The following SLC39A11 variants were observed in gnomAD, a reference collection of about 807,000 sequenced individuals.
SLC39A11 encodes zinc transporter ZIP11.
In SLC39A11, 33 loss-of-function variants were observed where a neutral mutation model predicts 36.1. That is an observed-to-expected ratio of 0.91 (90% confidence interval 0.69 to 1.22). The LOEUF is 1.22. Ranked by LOEUF, SLC39A11 falls within the 50% of genes most tolerant of loss-of-function variation. The pLI is 0.00. For missense variants in SLC39A11, 432 were observed against 430.3 expected (o/e 1.00, Z -0.03); for synonymous variants, 166 against 170.3 (o/e 0.97, Z 0.20).
intron 6 of SLC39A11, among the ~76,000 whole-genome samples, chr17:72,827,092 A>G (rs2078061304): frequency 6.6e-6 from 1 of 152,240 alleles, no homozygotes; most frequent in Admixed American, 6.5e-5. Context: ...CAGTAGATAT[A>G]ACCCAAATGC....
At chr17:72,809,232 T>C (rs1301214287) in intron 6 of SLC39A11, among the ~76,000 whole-genome samples, 1 of 152,004 alleles carries the variant, frequency 6.6e-6, no homozygotes, top group Non-Finnish European at 1.5e-5. Flanking sequence ...TCTCTCTTTC[T>C]TTCTGCCCTC....
chr17:72,660,469 G>T (rs1251490725), intron 7 of SLC39A11, among the ~76,000 whole-genome samples: 1 of 152,156 alleles, frequency 6.6e-6, no homozygotes, highest in East Asian at 1.9e-4. Context: ...TTAAATAACT[G>T]GCCCTGAAGG....
chr17:72,678,848 A>G (rs2071392245), intron 7 of SLC39A11, among the ~76,000 whole-genome samples: 1 of 152,196 alleles, frequency 6.6e-6, no homozygotes, highest in African/African-American at 2.4e-5. Flanking sequence ...GGCTGTTCAC[A>G]AGAGCCAAGA....
At chr17:73,039,655 A>G (rs2059042605) in intron 3 of SLC39A11, among the ~76,000 whole-genome samples, 1 of 152,188 alleles carries the variant, frequency 6.6e-6, no homozygotes, top group Admixed American at 6.5e-5. Context: ...TCCTTTCACA[A>G]ACATGGGGTG....
At chr17:72,715,371 C>T (rs2073308971) in intron 7 of SLC39A11, among the ~76,000 whole-genome samples, 1 of 152,210 alleles carries the variant, frequency 6.6e-6, no homozygotes, top group Non-Finnish European at 1.5e-5. Context: ...CAGCACTATT[C>T]ACAAGAGCTA....
rs140296348 is a variant in SLC39A11 at position 73,026,723 on chromosome 17, C to T, written c.306+4833G>A. Reference sequence around the variant, plus strand: ...TTGTACTGTATTGATGCGACGCTAACATGACTAAAAATAAAGAATTGACCT... The same window carrying T: ...TTGTACTGTATTGATGCGACGCTAATATGACTAAAAATAAAGAATTGACCT... On this transcript the variant is annotated intron_variant, in intron 4 of 9. Coordinates refer to ENST00000255559, the MANE Select transcript of SLC39A11 (RefSeq NM_139177.4). Among the ~76,000 whole-genome samples the T allele has an allele frequency of 2.0e-3, 310 of 152,068 alleles. 10 individuals carry two copies. The East Asian group carries it at 0.053, about 26-fold the overall frequency.
At chr17:72,997,153 T>G (rs1014143142) in intron 4 of SLC39A11, among the ~76,000 whole-genome samples, 1 of 151,598 alleles carries the variant, frequency 6.6e-6, no homozygotes, top group African/African-American at 2.4e-5. Flanking sequence ...ACCGCTGAGA[T>G]TTTGGGGTTG....
chr17:73,038,664 G>A (rs1019277110), intron 3 of SLC39A11, among the ~76,000 whole-genome samples: 2 of 150,876 alleles, frequency 1.3e-5, no homozygotes, highest in Non-Finnish European at 2.9e-5. Flanking sequence ...CTGGGATGGA[G>A]CCACTGCACT....
chr17:72,831,062 G>A (rs565997295), intron 6 of SLC39A11, among the ~76,000 whole-genome samples: 17 of 152,106 alleles, frequency 1.1e-4, no homozygotes, highest in African/African-American at 4.1e-4. Context: ...AGAGAATGAG[G>A]GAAAATGCCT....
At chr17:72,996,095 C>T (rs953911660) in intron 4 of SLC39A11, among the ~76,000 whole-genome samples, 1 of 152,128 alleles carries the variant, frequency 6.6e-6, no homozygotes, top group Non-Finnish European at 1.5e-5. Context: ...AGCCACCTTT[C>T]TAAAATGCAA....
intron 2 of SLC39A11, 122 bp from the exon 3 acceptor site, chr17:73,084,968 C>T (rs1040888567): frequency 3.1e-6 from 3 of 973,630 alleles, no homozygotes; most frequent in South Asian, 2.7e-5. Context: ...CTCCTGAGCT[C>T]GTGAGCTACT....
chr17:72,989,897 A>C (rs1178107349), intron 4 of SLC39A11, among the ~76,000 whole-genome samples: 1 of 152,218 alleles, frequency 6.6e-6, no homozygotes, highest in Non-Finnish European at 1.5e-5. Flanking sequence ...TGCTCTCGTT[A>C]GAGGCTCTTC....
chr17:72,725,495 T>C (rs965312550), intron 7 of SLC39A11: 2 of 152,210 alleles, frequency 1.3e-5, no homozygotes, highest in Non-Finnish European at 2.9e-5. Flanking sequence ...GTTGGACATG[T>C]CCAAAGTTAC....
rs551241133 is a variant in SLC39A11 at position 73,067,848 on chromosome 17, A to G, written c.147+16960T>C. 8.6e-5 allele frequency: 137 copies of G among 1,593,966 alleles called. 2 individuals carry two copies. In the South Asian group the frequency reaches 1.4e-3, roughly 17 times the overall value. On this transcript the variant is annotated intron_variant, in intron 3 of 9. Coordinates refer to ENST00000255559, the MANE Select transcript of SLC39A11 (RefSeq NM_139177.4). Reference sequence around the variant, plus strand: ...CTGTGAAAATCCATTTAATGTAGCAAGTTGATTTTCTTTGTGGTTCATCCC... The same window carrying G: ...CTGTGAAAATCCATTTAATGTAGCAGGTTGATTTTCTTTGTGGTTCATCCC...
intron 3 of SLC39A11, chr17:73,068,205 T>C: frequency 9.2e-7 from 1 of 1,089,734 alleles, no homozygotes; most frequent in Non-Finnish European, 1.4e-6. Context: ...AGAGTGGTTG[T>C]TTCTGGGGAG....
intron 4 of SLC39A11, among the ~76,000 whole-genome samples, chr17:73,004,680 T>C (rs1021968756): frequency 5.9e-5 from 9 of 152,238 alleles, no homozygotes; most frequent in African/African-American, 1.7e-4. Context: ...GTAAGACACC[T>C]GGAGGTTTCT....
At chr17:72,972,438 T>C (rs572339784) in intron 4 of SLC39A11, among the ~76,000 whole-genome samples, 34 of 152,284 alleles carry the variant, frequency 2.2e-4, no homozygotes, top group Non-Finnish European at 2.9e-4. Flanking sequence ...TTGTGTGCGT[T>C]GCCATCTAAA....
intron 7 of SLC39A11, among the ~76,000 whole-genome samples, chr17:72,687,980 C>T (rs2144386434): frequency 6.6e-6 from 1 of 152,288 alleles, no homozygotes; most frequent in Middle Eastern, 3.4e-3. Flanking sequence ...ACCAGAGGGT[C>T]CCTTTGTATG....
chr17:73,051,814 C>T (rs1018209213), intron 3 of SLC39A11, among the ~76,000 whole-genome samples: 4 of 145,818 alleles, frequency 2.7e-5, no homozygotes, highest in Non-Finnish European at 4.5e-5. Flanking sequence ...GCTGAGATCT[C>T]GCCACTGTAC....
Sources: allele counts gnomAD v4.1 joint callset (sites outside exome capture counted in the v4.1 genomes callset), GRCh38; gene constraint gnomAD v4.1.1; transcripts MANE v1.5; gene names NCBI Gene and HGNC (gene_info 2026-07-23, HGNC 2026-07-21).